The following ZNF804B variants were observed in gnomAD, a reference collection of about 807,000 sequenced individuals.
ZNF804B encodes the protein zinc finger protein 804B.
Under a neutral mutation model 101.4 loss-of-function variants are expected in ZNF804B, and 80 were observed. The observed-to-expected ratio is 0.79, with a 90% CI of 0.66 to 0.95. ZNF804B has a LOEUF of 0.95. ZNF804B is among the 40% of genes least tolerant of loss of function. The probability of loss-of-function intolerance (pLI) is 0.00; values close to 1 mark genes in which losing one functional copy is unlikely to be tolerated. For missense variants in ZNF804B, 1,673 were observed against 1,561.9 expected (o/e 1.07, Z -1.20); for synonymous variants, 622 against 558.8 (o/e 1.11, Z -1.59).
chr7:89,078,635 A>G (rs549341701), intron 1 of ZNF804B, among the ~76,000 whole-genome samples: 10 of 150,136 alleles, frequency 6.7e-5, no homozygotes, highest in South Asian at 2.1e-4. Context: ...AATTTGTCTA[A>G]CACGATTTTT....
chr7:89,058,253 G>A (rs540290184), intron 1 of ZNF804B, among the ~76,000 whole-genome samples: 7 of 152,014 alleles, frequency 4.6e-5, no homozygotes, highest in Non-Finnish European at 1.0e-4. Flanking sequence ...GCTTAGGTAT[G>A]GTGAAAGTTA....
At chr7:88,852,017 T>C (rs922640106) in intron 1 of ZNF804B, among the ~76,000 whole-genome samples, 9 of 152,062 alleles carry the variant, frequency 5.9e-5, no homozygotes, top group African/African-American at 2.2e-4. Flanking sequence ...CATATAGTGG[T>C]GGTGAAAAGA....
At chr7:88,859,222 C>T (rs181568295) in intron 1 of ZNF804B, among the ~76,000 whole-genome samples, 1 of 151,676 alleles carries the variant, frequency 6.6e-6, no homozygotes, top group East Asian at 1.9e-4. Context: ...TGTGCTGTTT[C>T]TGTATGGGTA....
At chr7:88,764,004 CAT>C (rs1200993519) in intron 1 of ZNF804B, among the ~76,000 whole-genome samples, 11 of 152,232 alleles carry the variant, frequency 7.2e-5, no homozygotes, top group Admixed American at 3.3e-4. Context: ...TCATTGAGAA[CAT>C]AGTCTATAGA....
chr7:89,227,411 T>C (rs975137619), intron 2 of ZNF804B, among the ~76,000 whole-genome samples: 2 of 152,148 alleles, frequency 1.3e-5, no homozygotes, highest in African/African-American at 4.8e-5. Context: ...CCCAGCACCA[T>C]TCCAAATGCT....
At chr7:89,241,924 A>C (rs192483097) in intron 2 of ZNF804B, among the ~76,000 whole-genome samples, 2 of 148,654 alleles carry the variant, frequency 1.3e-5, no homozygotes, top group East Asian at 4.0e-4. Context: ...AAGGAACAAT[A>C]TGCTATGATC....
chr7:88,997,878 A>G (rs997868970), intron 1 of ZNF804B, among the ~76,000 whole-genome samples: 2 of 152,054 alleles, frequency 1.3e-5, no homozygotes, highest in African/African-American at 4.8e-5. Flanking sequence ...CCTCTCAAAT[A>G]TTTATGATCT....
intron 1 of ZNF804B, among the ~76,000 whole-genome samples, chr7:88,938,349 G>A (rs1793003743): frequency 6.6e-6 from 1 of 151,938 alleles, no homozygotes; most frequent in African/African-American, 2.4e-5. Flanking sequence ...GGAGGGTCTG[G>A]AAGAAAAAGA....
intron 1 of ZNF804B, among the ~76,000 whole-genome samples, chr7:88,856,641 A>G (rs1272905417): frequency 6.6e-6 from 1 of 152,052 alleles, no homozygotes; most frequent in Non-Finnish European, 1.5e-5. Context: ...TTCCAACACT[A>G]TGTTGAATAG....
At chr7:89,280,193 A>G (rs530893000) in intron 2 of ZNF804B, among the ~76,000 whole-genome samples, 1,569 of 152,210 alleles carry the variant, frequency 0.01, 31 homozygotes, top group African/African-American at 0.036. Flanking sequence ...AGAAATAAAG[A>G]TGTTCTTTGA....
chr7:88,914,305 A>G (rs1792598473), intron 1 of ZNF804B, among the ~76,000 whole-genome samples: 1 of 152,192 alleles, frequency 6.6e-6, no homozygotes, highest in African/African-American at 2.4e-5. Flanking sequence ...GACTTTTTTA[A>G]GTTGCCGATA....
rs536878940 is a variant in ZNF804B, at chr7:89,080,157, T to C, written c.109-137998T>C. ...ATGGTGCCTTGGACCAGGGCAGTGG[T>C]GGTGGTGACAGGTAATCAAAGATTG... On this transcript the variant is annotated intron_variant, in intron 1 of 3. Transcript: ENST00000333190. 1.6e-4 allele frequency among the ~76,000 whole-genome samples: 25 copies of C among 151,974 alleles called. No individual in the cohort carries two copies. In the South Asian group the frequency reaches 4.8e-3, roughly 29 times the overall value.
At chr7:88,901,240 G>A (rs1359514748) in intron 1 of ZNF804B, among the ~76,000 whole-genome samples, 1 of 151,790 alleles carries the variant, frequency 6.6e-6, no homozygotes, top group East Asian at 1.9e-4. Context: ...ATAAAAGTGA[G>A]CATGTAGGAC....
chr7:89,175,094 G>A (rs1005327743), intron 1 of ZNF804B, among the ~76,000 whole-genome samples: 11 of 151,808 alleles, frequency 7.2e-5, no homozygotes, highest in African/African-American at 2.4e-4. Flanking sequence ...TTTTTAAGTT[G>A]ATGTGATCTT....
rs56752291 is a variant in ZNF804B at position 88,854,446 on chromosome 7, T to C, written c.108+94362T>C. Among the ~76,000 whole-genome samples the C allele has an allele frequency of 1.5e-3, 183 of 125,288 alleles. 1 individual carries two copies. Among genetic ancestry groups the C allele is most frequent in the African/African-American group, 5.8e-3 (170 of 29,298 alleles). The allele number at this position is 125,288 out of a possible 152,430, so 82.2% of individuals were successfully genotyped here. A position where few individuals can be genotyped will look rare whatever the true frequency, so the allele number is the denominator to read the frequency against. The stretch of plus-strand genomic sequence containing the variant: ...TTCTTTCTTTCTTTCTTTCTTTCTT[T>C]CTTTCTTTCTTTCTTTCTTTCTTTC... On this transcript the variant is annotated intron_variant, in intron 1 of 3. Coordinates refer to ENST00000333190, the MANE Select transcript of ZNF804B (RefSeq NM_181646.5).
chr7:88,931,114 G>T (rs1379360741), intron 1 of ZNF804B, among the ~76,000 whole-genome samples: 2 of 151,858 alleles, frequency 1.3e-5, no homozygotes, highest in Non-Finnish European at 2.9e-5. Flanking sequence ...TTTCATTGAC[G>T]TTCTTGCAAA....
chr7:88,982,516 G>A (rs1328500797), intron 1 of ZNF804B, among the ~76,000 whole-genome samples: 10 of 152,028 alleles, frequency 6.6e-5, no homozygotes, highest in Non-Finnish European at 1.5e-5. Context: ...TCTCTCTTTG[G>A]CATGCAGATG....
intron 1 of ZNF804B, among the ~76,000 whole-genome samples, chr7:89,097,217 T>C (rs901219651): frequency 1.3e-5 from 2 of 152,248 alleles, no homozygotes; most frequent in African/African-American, 4.8e-5. Context: ...TTGTGACTAC[T>C]TCAGAATGAA....
At chr7:88,831,431 T>C (rs1791131521) in intron 1 of ZNF804B, among the ~76,000 whole-genome samples, 1 of 151,972 alleles carries the variant, frequency 6.6e-6, no homozygotes, top group African/African-American at 2.4e-5. Context: ...TTTCCAAATT[T>C]AACCTTATAA....
Sources: gnomAD v4.1 joint callset for allele counts (sites outside exome capture counted in the v4.1 genomes callset) on GRCh38, gnomAD v4.1.1 for gene constraint, MANE v1.5 for transcripts, NCBI Gene and HGNC (gene_info 2026-07-23, HGNC 2026-07-21) for gene names.